ADD1: variants seen among roughly 807,000 people sequenced by gnomAD.
ADD1 encodes alpha-adducin.
Under a neutral mutation model 80.5 loss-of-function variants are expected in ADD1, and 24 were observed. The ratio of observed to expected loss-of-function variants is 0.30; its 90% CI spans 0.22 to 0.42. The LOEUF is 0.42. ADD1 is among the 10% of genes least tolerant of loss of function. The pLI is 1.00. For synonymous variants in ADD1, 373 were observed against 393.8 expected, an observed-to-expected ratio of 0.95 and a Z score of 0.63; for missense variants, 948 against 1,019.0, an observed-to-expected ratio of 0.93 and a Z score of 0.95.
chr4:2,848,250 T>C (rs1726550895), intron 1 of ADD1, among the ~76,000 whole-genome samples: 1 of 152,018 alleles, frequency 6.6e-6, no homozygotes, highest in Non-Finnish European at 1.5e-5. Flanking sequence ...CATAGCATAA[T>C]ATTAAACTTT....
chr4:2,873,061 C>G (rs1730708310), intron 1 of ADD1, among the ~76,000 whole-genome samples: 1 of 151,916 alleles, frequency 6.6e-6, no homozygotes, highest in South Asian at 2.1e-4. Flanking sequence ...CGGCATGACT[C>G]AGCTCACTGC....
At position 2,926,104 on chromosome 4, in the gene ADD1, T is replaced by G. The variant is rs1711548664; in HGVS notation, c.2039T>G (p.Leu680Arg). Residue 680 changes from leucine (L) to arginine (R), a missense_variant, in exon 15 of 16, where the codon CTG (leucine) becomes CGG (arginine). Transcript: ENST00000683351. The surrounding 1 kb of genome is among the most constrained non-coding windows in gnomAD (Gnocchi z 5.0). ...CCGCCTCCCAGCACTCCCATCAAGCTGGAGGAAGGTGAGCTCTGGGTGGCA... is the reference window on the plus strand; with the variant it reads ...CCGCCTCCCAGCACTCCCATCAAGCGGGAGGAAGGTGAGCTCTGGGTGGCA... ...PHPPPSTPIK[L>R]EEDLVPEPTT... 1.9e-6 allele frequency: 3 copies of G among 1,613,926 alleles called. No individual in the cohort carries two copies. In the East Asian group the frequency reaches 6.7e-5, roughly 36 times the overall value.
chr4:2,922,940 G>C (rs1024818009), intron 14 of ADD1, among the ~76,000 whole-genome samples: 2 of 152,214 alleles, frequency 1.3e-5, no homozygotes, highest in African/African-American at 4.8e-5. Flanking sequence ...TACACTGTGA[G>C]GGGAAAATGG....
chr4:2,905,341 T>G, intron 10 of ADD1: 2 of 565,086 alleles, frequency 3.5e-6, no homozygotes, highest in East Asian at 5.7e-5. Flanking sequence ...TTCCAGTATA[T>G]CTCCGTATAT....
intron 9 of ADD1, among the ~76,000 whole-genome samples, chr4:2,903,780 G>A (rs980898353): frequency 6.6e-6 from 1 of 152,176 alleles, no homozygotes; most frequent in Non-Finnish European, 1.5e-5. Flanking sequence ...CACTTACCAA[G>A]TGTGGCCAGG....
intron 14 of ADD1, among the ~76,000 whole-genome samples, chr4:2,916,232 T>C (rs567794767): frequency 3.3e-5 from 5 of 150,878 alleles, no homozygotes; most frequent in Non-Finnish European, 7.4e-5. Context: ...AGTCTTGCTC[T>C]GTCGCCAGGC....
At chr4:2,859,999 G>A (rs745729992) in intron 1 of ADD1, among the ~76,000 whole-genome samples, 2 of 150,728 alleles carry the variant, frequency 1.3e-5, no homozygotes, top group Non-Finnish European at 2.9e-5. Context: ...TTAGATTATA[G>A]AGTGTTGGTT....
intron 1 of ADD1, among the ~76,000 whole-genome samples, chr4:2,862,730 C>A (rs1166807036): frequency 6.6e-6 from 1 of 152,196 alleles, no homozygotes; most frequent in Admixed American, 6.5e-5. Context: ...GCACTTGTCG[C>A]CTTCTAACAG....
At chr4:2,885,461 T>C (rs916533264) in intron 4 of ADD1, among the ~76,000 whole-genome samples, 1 of 152,148 alleles carries the variant, frequency 6.6e-6, no homozygotes, top group Non-Finnish European at 1.5e-5. Context: ...ACCTCCTTCT[T>C]CCACCAAATG....
At chr4:2,869,500 A>G (rs1239435753) in intron 1 of ADD1, among the ~76,000 whole-genome samples, 1 of 152,140 alleles carries the variant, frequency 6.6e-6, no homozygotes, top group African/African-American at 2.4e-5. Flanking sequence ...TAGCGACCCT[A>G]TTTCCAAATA....
rs374570836 is a variant in ADD1 at position 2,878,353 on chromosome 4, G to T, written c.195+2243G>T. Among the ~76,000 whole-genome samples, 3 of 152,136 alleles carry T rather than the reference G, an allele frequency of 2.0e-5. No individual in the cohort carries two copies. In the East Asian group the frequency reaches 5.8e-4, roughly 29 times the overall value. On this transcript the variant is annotated intron_variant, in intron 2 of 15. Coordinates refer to ENST00000683351, the MANE Select transcript of ADD1 (RefSeq NM_001354761.2). ...AGTAGAGGTAGGAAGAAGTAGATTT[G>T]TATGGCTTTCATTTTGAAGGTAGTG...
intron 4 of ADD1, 62 bp from the exon 5 acceptor site, chr4:2,893,951 C>T: frequency 1.4e-6 from 2 of 1,471,312 alleles, no homozygotes; most frequent in Non-Finnish European, 1.9e-6. Flanking sequence ...AATTTGTAGC[C>T]TGAAAGAGAT....
At chr4:2,925,635 G>C (rs1468411100) in intron 14 of ADD1, among the ~76,000 whole-genome samples, 1 of 152,166 alleles carries the variant, frequency 6.6e-6, no homozygotes, top group Non-Finnish European at 1.5e-5. Context: ...GTGGTGAGTG[G>C]GTTCAGGACC....
intron 1 of ADD1, among the ~76,000 whole-genome samples, chr4:2,866,687 T>A (rs1729607305): frequency 6.6e-6 from 1 of 152,190 alleles, no homozygotes; most frequent in Non-Finnish European, 1.5e-5. Context: ...TACATTTTGA[T>A]TTTCTGTGCT....
intron 4 of ADD1, among the ~76,000 whole-genome samples, chr4:2,885,793 G>A (rs1427504359): frequency 3.3e-5 from 5 of 151,590 alleles, no homozygotes; most frequent in East Asian, 1.9e-4. Flanking sequence ...TGTATTTTTA[G>A]TAGAGACGGG....
intron 4 of ADD1, among the ~76,000 whole-genome samples, chr4:2,885,861 T>C (rs12650114): frequency 0.22 from 32,656 of 151,564 alleles, 3,717 homozygotes; most frequent in East Asian, 0.48. Context: ...CCGCCCGCCT[T>C]GGCCTCCCAA....
chr4:2,914,554 C>G (rs1180318433), intron 13 of ADD1, among the ~76,000 whole-genome samples: 3 of 152,218 alleles, frequency 2.0e-5, no homozygotes, highest in African/African-American at 7.2e-5. Flanking sequence ...GGGCCTCTTC[C>G]CCTTCTGCTC....
intron 1 of ADD1, among the ~76,000 whole-genome samples, chr4:2,845,220 G>C (rs1172824929): frequency 5.3e-5 from 8 of 151,992 alleles, no homozygotes; most frequent in African/African-American, 9.7e-5. Flanking sequence ...CTACAGGCGC[G>C]CGCCACCACG....
intron 1 of ADD1, among the ~76,000 whole-genome samples, chr4:2,859,005 G>A (rs1443700806): frequency 1.3e-5 from 2 of 152,256 alleles, no homozygotes; most frequent in East Asian, 1.9e-4. Flanking sequence ...AGTGATCGTA[G>A]GGCGTTGCTG....
Sources: allele counts gnomAD v4.1 joint callset (sites outside exome capture counted in the v4.1 genomes callset), GRCh38; gene constraint gnomAD v4.1.1; non-coding constraint Gnocchi (gnomAD v3.1); transcripts MANE v1.5; gene names NCBI Gene and HGNC (gene_info 2026-07-23, HGNC 2026-07-21).